Variants in HHAT observed in about 807,000 individuals in gnomAD.
The protein encoded by HHAT is hedgehog acyltransferase.
A neutral mutation model predicts 70.8 loss-of-function variants in HHAT; 47 were observed. That is an observed-to-expected ratio of 0.66 (90% confidence interval 0.53 to 0.85). The LOEUF is 0.85. Among genes scored for constraint, HHAT ranks in the 40% least tolerant of loss-of-function variants. The pLI is 0.00. For synonymous variants in HHAT, 228 were observed against 247.6 expected (o/e 0.92, Z 0.74); for missense variants, 609 against 604.8 (o/e 1.01, Z -0.07).
rs767299200 is a variant in HHAT at position 210,495,454 on chromosome 1, T to G, written c.1008-17699T>G. On this transcript the variant is annotated intron_variant, in intron 8 of 11. Transcript: ENST00000261458. ...AAATAGCCTTTTTCAAGCAACATTT[T>G]TGACTCATCGGGAAAGTAGAGATTT... Among the ~76,000 whole-genome samples the G allele has an allele frequency of 4.1e-4, 63 of 152,256 alleles. 1 individual carries two copies. Among genetic ancestry groups the G allele is most frequent in the Non-Finnish European group, 6.6e-4 (45 of 68,014 alleles).
chr1:210,435,708 A>T (rs1340123716), intron 7 of HHAT, among the ~76,000 whole-genome samples: 3 of 151,812 alleles, frequency 2.0e-5, no homozygotes, highest in African/African-American at 2.4e-5. Context: ...GCATTTCTGT[A>T]ATGATTAGTT....
chr1:210,614,357 C>T lies in HHAT; in HGVS notation c.1246-9169C>T, dbSNP rs146692329. ...TAATCTGTGAACAGAAATCATTTTA[C>T]TTCTTTCTTTCTCATTTGGATGCTC... is the stretch of plus-strand genomic sequence containing the variant. On this transcript the variant is annotated intron_variant, in intron 10 of 11. Coordinates refer to ENST00000261458, the MANE Select transcript of HHAT (RefSeq NM_018194.6). 6.0e-3 allele frequency among the ~76,000 whole-genome samples: 906 copies of T among 150,502 alleles called. 11 individuals are homozygous for T. The highest frequency in any genetic ancestry group is 0.012 in the Admixed American group (174 of 15,052).
chr1:210,573,384 A>G (rs1656814917), intron 9 of HHAT, among the ~76,000 whole-genome samples: 2 of 152,144 alleles, frequency 1.3e-5, no homozygotes, highest in African/African-American at 4.8e-5. Context: ...CTGGAATTGA[A>G]GTGATGTGCC....
At chr1:210,344,663 C>T (rs2086349849) in intron 1 of HHAT, among the ~76,000 whole-genome samples, 1 of 152,176 alleles carries the variant, frequency 6.6e-6, no homozygotes, top group Non-Finnish European at 1.5e-5. Flanking sequence ...CTGCAATTGC[C>T]TCCCGTTTTG....
chr1:210,657,737 G>A (rs962728701), intron 11 of HHAT, among the ~76,000 whole-genome samples: 2 of 152,170 alleles, frequency 1.3e-5, no homozygotes, highest in African/African-American at 4.8e-5. Context: ...TTCATTTGGT[G>A]GTGGTAGAAG....
At chr1:210,650,140 T>A (rs1674839778) in intron 11 of HHAT, among the ~76,000 whole-genome samples, 1 of 152,174 alleles carries the variant, frequency 6.6e-6, no homozygotes, top group Non-Finnish European at 1.5e-5. Flanking sequence ...GTTTGCTGCT[T>A]GAGATTTGGG....
intron 9 of HHAT, among the ~76,000 whole-genome samples, chr1:210,580,382 A>T (rs951627771): frequency 1.3e-4 from 17 of 128,608 alleles, no homozygotes; most frequent in African/African-American, 4.4e-4. Flanking sequence ...TTCTTTAAAA[A>T]AAAAAAGGGG....
At chr1:210,419,886 G>A (rs927771869) in intron 7 of HHAT, among the ~76,000 whole-genome samples, 2 of 152,158 alleles carry the variant, frequency 1.3e-5, no homozygotes, top group African/African-American at 4.8e-5. Flanking sequence ...GACTGTTTCA[G>A]CTTGAGGGTT....
intron 2 of HHAT, among the ~76,000 whole-genome samples, chr1:210,358,763 A>G (rs945449278): frequency 2.0e-5 from 3 of 152,160 alleles, no homozygotes; most frequent in African/African-American, 7.2e-5. Flanking sequence ...GTGTCAGACT[A>G]GGGTGTGTGT....
intron 9 of HHAT, among the ~76,000 whole-genome samples, chr1:210,575,262 G>C (rs1035373529): frequency 6.6e-6 from 1 of 151,728 alleles, no homozygotes. Context: ...CTTTTCCTTT[G>C]GCCTAGGGAA....
At chr1:210,432,059 T>C (rs74976020) in intron 7 of HHAT, among the ~76,000 whole-genome samples, 2,568 of 151,912 alleles carry the variant, frequency 0.017, 140 homozygotes, top group East Asian at 0.15. Flanking sequence ...TTTCTTTCAT[T>C]CTCAAAAGTG....
chr1:210,563,517 C>T (rs1021267709), intron 9 of HHAT, among the ~76,000 whole-genome samples: 4 of 151,986 alleles, frequency 2.6e-5, no homozygotes, highest in African/African-American at 7.3e-5. Flanking sequence ...CCAGGGAGAG[C>T]CTCTTCAGAT....
intron 3 of HHAT, among the ~76,000 whole-genome samples, chr1:210,372,739 G>A (rs1362870106): frequency 6.6e-6 from 1 of 150,572 alleles, no homozygotes; most frequent in Non-Finnish European, 1.5e-5. Context: ...CCAAGAGAGT[G>A]TTAGACTTTC....
At chr1:210,625,190 C>T (rs1327598447) in intron 11 of HHAT, among the ~76,000 whole-genome samples, 4 of 152,126 alleles carry the variant, frequency 2.6e-5, no homozygotes, top group East Asian at 3.9e-4. Context: ...ACTTTCTAAG[C>T]GAAAGCTGTC....
intron 9 of HHAT, among the ~76,000 whole-genome samples, chr1:210,524,359 G>A (rs190857610): frequency 1.4e-3 from 219 of 152,290 alleles, no homozygotes; most frequent in African/African-American, 5.1e-3. Flanking sequence ...GAAGGGCTGG[G>A]CAGGAAGGCC....
chr1:210,560,378 C>G (rs956385038), intron 9 of HHAT, among the ~76,000 whole-genome samples: 1 of 152,002 alleles, frequency 6.6e-6, no homozygotes, highest in African/African-American at 2.4e-5. Context: ...TTGGTTTTCC[C>G]CAAGTTGTTC....
At chr1:210,531,601 G>A (rs898316762) in intron 9 of HHAT, among the ~76,000 whole-genome samples, 61 of 152,126 alleles carry the variant, frequency 4.0e-4, no homozygotes, top group African/African-American at 1.3e-3. Flanking sequence ...TTTGTAAGTT[G>A]GAAATGATAA....
At chr1:210,575,307 AG>A (rs1657422939) in intron 9 of HHAT, among the ~76,000 whole-genome samples, 2 of 152,072 alleles carry the variant, frequency 1.3e-5, no homozygotes, top group Admixed American at 1.3e-4. Flanking sequence ...CTTAGGAGAA[AG>A]GTGGGAAGAC....
rs570895756 is a variant in HHAT, at chr1:210,662,472, T to G, written c.1391-11816T>G. On this transcript the variant is annotated intron_variant, in intron 11 of 11. Coordinates refer to ENST00000261458, the MANE Select transcript of HHAT (RefSeq NM_018194.6). ...TGTGTTTTATAGTGTGGTCATGAAT[T>G]AATAATGCACAACACTCCTAATTAG... is the stretch of plus-strand genomic sequence containing the variant. 3.3e-5 allele frequency among the ~76,000 whole-genome samples: 5 copies of G among 150,140 alleles called. No individual in the cohort carries two copies. The South Asian group carries it at 8.3e-4, about 25-fold the overall frequency.
Sources: gnomAD v4.1 joint callset for allele counts (sites outside exome capture counted in the v4.1 genomes callset) on GRCh38, gnomAD v4.1.1 for gene constraint, MANE v1.5 for transcripts, NCBI Gene and HGNC (gene_info 2026-07-23, HGNC 2026-07-21) for gene names.